The following NWD1 variants were observed in gnomAD, a reference collection of about 807,000 sequenced individuals.
NWD1 encodes the protein NACHT domain- and WD repeat-containing protein 1.
A neutral mutation model predicts 135.1 loss-of-function variants in NWD1; 129 were observed. That is an observed-to-expected ratio of 0.96 (90% CI 0.83 to 1.11). NWD1 has a LOEUF of 1.11. NWD1 is among the 50% of genes least tolerant of loss of function. NWD1 has a pLI of 0.00. For synonymous variants in NWD1, 773 were observed against 786.0 expected (o/e 0.98, Z 0.28); for missense variants, 1,740 against 1,851.3 (o/e 0.94, Z 1.10).
chr19:16,792,825 C>T (rs530736359), intron 14 of NWD1, among the ~76,000 whole-genome samples: 46 of 147,882 alleles, frequency 3.1e-4, no homozygotes, highest in Middle Eastern at 6.9e-3. Flanking sequence ...TGCAGTGAGC[C>T]GAGATCATGC....
At chr19:16,769,366 G>A (rs902584799) in intron 10 of NWD1, among the ~76,000 whole-genome samples, 3 of 151,956 alleles carry the variant, frequency 2.0e-5, no homozygotes, top group African/African-American at 7.3e-5. Flanking sequence ...GGAGGCTGAG[G>A]CAGGAGAATT....
At chr19:16,811,456 T>A (rs1970921074) in intron 18 of NWD1, among the ~76,000 whole-genome samples, 1 of 151,584 alleles carries the variant, frequency 6.6e-6, no homozygotes, top group African/African-American at 2.4e-5. Flanking sequence ...TGGTGGTGCA[T>A]GCCTGTAATC....
intron 16 of NWD1, among the ~76,000 whole-genome samples, chr19:16,798,929 A>G (rs1970507155): frequency 6.9e-6 from 1 of 145,196 alleles, no homozygotes; most frequent in Non-Finnish European, 1.5e-5. Flanking sequence ...TCTGGCTAGA[A>G]TAAAATAATT....
intron 6 of NWD1, among the ~76,000 whole-genome samples, chr19:16,756,416 A>G (rs906581424): frequency 6.6e-6 from 1 of 152,206 alleles, no homozygotes; most frequent in African/African-American, 2.4e-5. Flanking sequence ...TCTCAGAGAC[A>G]GCACAGGCGG....
intron 15 of NWD1, among the ~76,000 whole-genome samples, chr19:16,797,328 CTT>C (rs764836395): frequency 1.9e-4 from 23 of 120,316 alleles, no homozygotes; most frequent in South Asian, 7.6e-4. Context: ...CAAAACATCT[CTT>C]TTTTTTTTTT....
At chr19:16,783,182 C>T (rs1470842305) in intron 12 of NWD1, among the ~76,000 whole-genome samples, 1 of 152,000 alleles carries the variant, frequency 6.6e-6, no homozygotes, top group Non-Finnish European at 1.5e-5. Context: ...CAGGTGCATG[C>T]CACCATGCCC....
At position 16,812,297 on chromosome 19, in the gene NWD1, T is replaced by TA. The variant is rs530542976; in HGVS notation, c.4288-2722dup. On this transcript the variant is annotated intron_variant, in intron 18 of 18. Coordinates refer to ENST00000524140, the MANE Select transcript of NWD1 (RefSeq NM_001007525.5). ...GCACTCCAGCCTGGGTCAGACCTGT[T>TA]AAAAAAAAACAAAAACAAAAAAAAG... Among the ~76,000 whole-genome samples, 32 of 143,652 alleles carry TA rather than the reference T, an allele frequency of 2.2e-4. 1 individual carries two copies. In the East Asian group the frequency reaches 2.9e-3, roughly 13 times the overall value. 94.2% of individuals were successfully genotyped at this position (143,652 alleles called of 152,430 possible). A position where few individuals can be genotyped will look rare whatever the true frequency, so the allele number is the denominator to read the frequency against.
chr19:16,774,331 T>TCCAG (rs1016239284), intron 11 of NWD1, among the ~76,000 whole-genome samples: 3 of 148,750 alleles, frequency 2.0e-5, no homozygotes, highest in African/African-American at 7.6e-5. Flanking sequence ...TTCCTCTCCA[T>TCCAG]CCATCCATCC....
intron 2 of NWD1, among the ~76,000 whole-genome samples, chr19:16,726,303 G>A (rs1206121098): frequency 6.6e-6 from 1 of 151,838 alleles, no homozygotes; most frequent in African/African-American, 2.4e-5. Context: ...CAGAGATGAG[G>A]GCTCACTGTG....
At position 16,788,262 on chromosome 19, in the gene NWD1, TA is replaced by T. The variant is rs1568381183; in HGVS notation, c.2732-718del. Among the ~76,000 whole-genome samples the T allele has an allele frequency of 3.3e-4, 47 of 142,198 alleles. 1 individual carries two copies. Among genetic ancestry groups the T allele is most frequent in the African/African-American group, 1.1e-3 (42 of 38,532 alleles). The allele number at this position is 142,198 out of a possible 152,430, so 93.3% of individuals were successfully genotyped here. On this transcript the variant is annotated intron_variant, in intron 12 of 18. Transcript: ENST00000524140. ...ATAATAATAATAATAATAATAATAA[TA>T]ATAATAATAATAATAATAATAAAAG...
At position 16,782,284 on chromosome 19, in the gene NWD1, TAA is replaced by T. The variant is rs35838598; in HGVS notation, c.2731+2840_2731+2841del. ...GTGCAACATAGCAAGACGTCACCTC[TAA>T]AAAAAAAAAAAAAAAAAAAAGTGTT... On this transcript the variant is annotated intron_variant, in intron 12 of 18. Transcript: ENST00000524140. 1.6e-3 allele frequency among the ~76,000 whole-genome samples: 124 copies of T among 76,260 alleles called. 1 individual carries two copies. The highest frequency in any genetic ancestry group is 7.6e-3 in the Middle Eastern group (1 of 132). The allele number at this position is 76,260 out of a possible 152,430, so 50.0% of individuals were successfully genotyped here.
At position 16,773,257 on chromosome 19, in the gene NWD1, C is replaced by T. The variant is rs1395330421; in HGVS notation, c.2542C>T (p.Pro848Ser). The T allele has an allele frequency of 1.2e-6, 2 of 1,613,632 alleles. No homozygotes were observed. The highest frequency in any genetic ancestry group is 1.7e-4 in the Middle Eastern group (1 of 6,056). Residue 848 changes from proline (P) to serine (S), a missense_variant, in exon 11 of 19, where the codon CCC becomes TCC. By Grantham distance (74) the Pro-to-Ser change is moderately conservative. Transcript: ENST00000524140. ...FQLCAHPVLV[P>S]LGGFLQPPGG... ...GTTGTGCGCACACCCTGTGCTGGTG[C>T]CCCTCGGAGGATTCCTCCAGCCCCC... is the stretch of plus-strand genomic sequence containing the variant.
Position 16,810,266 on chromosome 19 carries a change from TG to T in NWD1, c.4287+2131del, listed in dbSNP as rs553096890. The stretch of plus-strand genomic sequence containing the variant: ...CAGCCTAGCCAACATGGTGAAACCC[TG>T]TCTCTACTAAAAATACAAAAATTAG... On this transcript the variant is annotated intron_variant, in intron 18 of 18. Transcript: ENST00000524140. Among the ~76,000 whole-genome samples the T allele has an allele frequency of 7.6e-4, 115 of 150,464 alleles. 1 individual carries two copies. The highest frequency in any genetic ancestry group is 1.8e-3 in the African/African-American group (74 of 40,920).
Position 16,808,149 on chromosome 19 carries a change from C to T in NWD1, c.4287+13C>T. On this transcript the variant is annotated intron_variant, in intron 18 of 18. Coordinates refer to ENST00000524140, the MANE Select transcript of NWD1 (RefSeq NM_001007525.5). ...GATGAGCTACACGGTGGGTGGCCCG[C>T]CTCCCCATGTTCATGCTAGACCCAG... 1 of 1,610,378 alleles carries T rather than the reference C, an allele frequency of 6.2e-7. No individual in the cohort carries two copies. The highest frequency in any genetic ancestry group is 8.5e-7 in the Non-Finnish European group (1 of 1,178,078).
intron 6 of NWD1, among the ~76,000 whole-genome samples, chr19:16,754,789 A>G (rs1968723465): frequency 8.5e-6 from 1 of 117,396 alleles, no homozygotes. Flanking sequence ...TATCATCTCT[A>G]TCATCCATCC....
In NWD1 at chr19:16,809,722, T is replaced by C. The variant is rs566009880; in HGVS notation, c.4287+1586T>C. Among the ~76,000 whole-genome samples, 4 of 151,830 alleles carry C rather than the reference T, an allele frequency of 2.6e-5. No homozygotes were observed. The South Asian group carries it at 8.4e-4, about 32-fold the overall frequency. On this transcript the variant is annotated intron_variant, in intron 18 of 18. Transcript: ENST00000524140. Reference sequence around the variant, plus strand: ...GGTGCCCGCCACCACGCCTGGCTAATTTTTTTGTATTTTTTTGGTAGAGAT... The same window carrying C: ...GGTGCCCGCCACCACGCCTGGCTAACTTTTTTGTATTTTTTTGGTAGAGAT...
intron 1 of NWD1, chr19:16,721,434 A>C (rs1157058539): frequency 2.6e-5 from 4 of 152,182 alleles, no homozygotes; most frequent in African/African-American, 4.8e-5. Flanking sequence ...CGCTGAAGTG[A>C]ATTCGGGTCC....
At chr19:16,785,039 C>G (rs904073605) in intron 12 of NWD1, among the ~76,000 whole-genome samples, 1 of 151,590 alleles carries the variant, frequency 6.6e-6, no homozygotes, top group East Asian at 1.9e-4. Context: ...TCCACAGAGA[C>G]AGGAGAGACA....
At position 16,773,162 on chromosome 19, in the gene NWD1, T is replaced by C. The variant is rs1056026261; in HGVS notation, c.2447T>C (p.Leu816Pro). The change falls in exon 11 of 19, where the codon CTC becomes CCC. Residue 816 changes from leucine to proline, a missense_variant. Physicochemically the swap from Leu to Pro is moderately conservative, Grantham distance 98. Coordinates refer to ENST00000524140, the MANE Select transcript of NWD1 (RefSeq NM_001007525.5). ...CTGTACACAGAACTGCTGGCCAGACTCCATTTCTTCGCCACCTCACATCCA... is the reference window on the plus strand; with the variant it reads ...CTGTACACAGAACTGCTGGCCAGACCCCATTTCTTCGCCACCTCACATCCA... Reference protein sequence around the residue: ...SLLYTELLARLHFFATSHPAL... With the variant: ...SLLYTELLARPHFFATSHPAL... 7 of 1,613,802 alleles carry C rather than the reference T, an allele frequency of 4.3e-6. No homozygotes were observed. The highest frequency in any genetic ancestry group is 4.2e-6 in the Non-Finnish European group (5 of 1,180,022).
Sources: allele counts gnomAD v4.1 joint callset (sites outside exome capture counted in the v4.1 genomes callset), GRCh38; gene constraint gnomAD v4.1.1; transcripts MANE v1.5; gene names NCBI Gene and HGNC (gene_info 2026-07-23, HGNC 2026-07-21).